FGFR1: variants seen among roughly 807,000 people sequenced by gnomAD.
FGFR1 encodes the protein fibroblast growth factor receptor 1, also known as FGFR1/PLAG1 fusion.
In FGFR1, 18 loss-of-function variants were observed where a neutral mutation model predicts 93.7. The observed-to-expected ratio is 0.19, with a 90% CI of 0.13 to 0.28. FGFR1 has a LOEUF of 0.28. FGFR1 is among the 10% of genes least tolerant of loss of function. The pLI is 1.00. For synonymous variants in FGFR1, 448 were observed against 429.3 expected (o/e 1.04, Z -0.54); for missense variants, 731 against 1,080.4 (o/e 0.68, Z 4.53).
chr8:38,437,647 A>G (rs528209070), intron 2 of FGFR1, among the ~76,000 whole-genome samples: 1 of 152,278 alleles, frequency 6.6e-6, no homozygotes, highest in African/African-American at 2.4e-5. Flanking sequence ...TCTGAGGGGC[A>G]GTGGGAGATG....
At chr8:38,465,885 AAC>A in intron 1 of FGFR1, 1 of 223,508 alleles carries the variant, frequency 4.5e-6, no homozygotes, top group African/African-American at 2.2e-5. Flanking sequence ...CTGCGGAGGA[AAC>A]AGTCACCTTA....
intron 2 of FGFR1, among the ~76,000 whole-genome samples, chr8:38,455,722 T>C (rs1832647974): frequency 6.6e-6 from 1 of 152,346 alleles, no homozygotes; most frequent in African/African-American, 2.4e-5. Flanking sequence ...ACATGCTGTC[T>C]CTGAACACTC....
chr8:38,467,589 C>T, intron 1 of FGFR1: 1 of 235,590 alleles, frequency 4.2e-6, no homozygotes, highest in Non-Finnish European at 8.4e-6. Context: ...CCCACCTCGC[C>T]GCCCACTCCC....
intron 2 of FGFR1, chr8:38,434,922 C>A (rs1415272280): frequency 6.6e-6 from 1 of 152,654 alleles, no homozygotes; most frequent in Non-Finnish European, 1.5e-5. Context: ...GGCTGGAGTG[C>A]AATGGCGTGA....
In FGFR1 at chr8:38,467,796, G is replaced by C. The variant is rs61214671; in HGVS notation, c.-89+185C>G. 602 of 233,042 alleles carry C rather than the reference G, an allele frequency of 2.6e-3. 5 individuals are homozygous for C. The highest frequency in any genetic ancestry group is 0.012 in the African/African-American group (566 of 45,394). The allele number at this position is 233,042 out of a possible 1,614,324, so 14.4% of individuals were successfully genotyped here. ...AGACGCGGACGGAGGGAAGGGAGGGGAGACCCAAGGGGCGCGGATCGCCCG... is the reference window on the plus strand; with the variant it reads ...AGACGCGGACGGAGGGAAGGGAGGGCAGACCCAAGGGGCGCGGATCGCCCG... On this transcript the variant is annotated intron_variant, in intron 1 of 17. Coordinates refer to ENST00000447712, the MANE Select transcript of FGFR1 (RefSeq NM_023110.3).
At chr8:38,433,375 A>G (rs1439481858) in intron 2 of FGFR1, among the ~76,000 whole-genome samples, 1 of 151,924 alleles carries the variant, frequency 6.6e-6, no homozygotes, top group East Asian at 1.9e-4. Flanking sequence ...CAGTGGCACA[A>G]TCTTGGCTTG....
intron 2 of FGFR1, among the ~76,000 whole-genome samples, chr8:38,446,709 C>T (rs908059042): frequency 1.3e-5 from 2 of 152,066 alleles, no homozygotes; most frequent in African/African-American, 4.8e-5. Context: ...GCGCCTGGCC[C>T]TTCTTCATTA....
At chr8:38,466,921 G>A (rs1402605411) in intron 1 of FGFR1, among the ~76,000 whole-genome samples, 2 of 145,014 alleles carry the variant, frequency 1.4e-5, no homozygotes, top group Non-Finnish European at 3.0e-5. Flanking sequence ...CACCAAAAAA[G>A]TGTCTGGCTG....
chr8:38,428,221 G>A (rs1821480598), intron 4 of FGFR1, 125 bp downstream of exon 4: 3 of 1,464,998 alleles, frequency 2.0e-6, no homozygotes, highest in Non-Finnish European at 2.9e-6. Flanking sequence ...GCAGTGCCTG[G>A]CACTTAGCAG....
Position 38,468,625 on chromosome 8 carries a change from G to C in FGFR1, c.-733C>G, listed in dbSNP as rs1466953437. The stretch of plus-strand genomic sequence containing the variant: ...GCGCCTGTGGCCGCAAGAGCGCTCC[G>C]AGCGCTATGCGCCGGCGGGGCGCGA... On this transcript the variant is annotated 5_prime_UTR_variant, in exon 1 of 18. Coordinates refer to ENST00000447712, the MANE Select transcript of FGFR1 (RefSeq NM_023110.3). The C allele has an allele frequency of 4.3e-6, 1 of 230,812 alleles. No homozygotes were observed. Among genetic ancestry groups the C allele is most frequent in the Non-Finnish European group, 8.6e-6 (1 of 116,430 alleles). The allele number at this position is 230,812 out of a possible 1,614,324, so 14.3% of individuals were successfully genotyped here.
At chr8:38,422,067 G>T in intron 7 of FGFR1, 126 bp from the exon 8 acceptor site, 1 of 1,176,082 alleles carries the variant, frequency 8.5e-7, no homozygotes, top group Non-Finnish European at 1.2e-6. Flanking sequence ...CATCTTCTTT[G>T]CAACAAGGAA....
In FGFR1 at chr8:38,456,956, A is replaced by G. The variant is rs1038804704; in HGVS notation, c.91+400T>C. Among the ~76,000 whole-genome samples the G allele has an allele frequency of 4.6e-5, 7 of 150,778 alleles. No individual in the cohort carries two copies. In the South Asian group the frequency reaches 6.3e-4, roughly 14 times the overall value. On this transcript the variant is annotated intron_variant, in intron 2 of 17. Transcript: ENST00000447712. ...TACAACATCCCCTGTAGTCTGACCC[A>G]AGTTCTACACGCAAATTCTAAGGTC...
In FGFR1 at chr8:38,429,473, T is replaced by C; in HGVS notation, c.358+209A>G. 1.4e-6 allele frequency: 1 copy of C among 705,332 alleles called. No individual in the cohort carries two copies. The highest frequency in any genetic ancestry group is 2.7e-5 in the East Asian group (1 of 37,080). 43.7% of individuals were successfully genotyped at this position (705,332 alleles called of 1,614,324 possible). A position where few individuals can be genotyped will look rare whatever the true frequency, so the allele number is the denominator to read the frequency against. Reference sequence around the variant, plus strand: ...CGAGGTGTGTCCTGGAAGCCCCAGATCTCCGGCCCTGGGGCCCACCCCACC... The same window carrying C: ...CGAGGTGTGTCCTGGAAGCCCCAGACCTCCGGCCCTGGGGCCCACCCCACC... On this transcript the variant is annotated intron_variant, in intron 3 of 17. Transcript: ENST00000447712. The surrounding 1 kb of genome is among the most constrained non-coding windows in gnomAD (Gnocchi z 4.4).
intron 1 of FGFR1, among the ~76,000 whole-genome samples, chr8:38,462,374 C>T (rs934988155): frequency 1.3e-5 from 2 of 151,760 alleles, no homozygotes; most frequent in African/African-American, 2.4e-5. Context: ...TGCAGTGGCG[C>T]GCGCCTGTAG....
intron 11 of FGFR1, 102 bp from the exon 12 acceptor site, chr8:38,417,518 C>CT: frequency 4.1e-6 from 4 of 981,082 alleles, no homozygotes; most frequent in Non-Finnish European, 6.4e-6. Context: ...TTCCCTGGGA[C>CT]TTGATTCTCT....
chr8:38,468,413 T>A lies in FGFR1; in HGVS notation c.-521A>T. ...TCGGACCGGAGAAAAGTCCTTGGGT[T>A]CCGCGGCTTTTCAAGCAGCGGCGCG... On this transcript the variant is annotated 5_prime_UTR_variant, in exon 1 of 18. Transcript: ENST00000447712. 1 of 228,484 alleles carries A rather than the reference T, an allele frequency of 4.4e-6. No homozygotes were observed. 14.2% of individuals were successfully genotyped at this position (228,484 alleles called of 1,614,324 possible). A position where few individuals can be genotyped will look rare whatever the true frequency, so the allele number is the denominator to read the frequency against.
intron 2 of FGFR1, among the ~76,000 whole-genome samples, chr8:38,446,263 T>A (rs944824216): frequency 6.7e-6 from 1 of 150,048 alleles, no homozygotes; most frequent in Non-Finnish European, 1.5e-5. Flanking sequence ...CAGGCTGCAG[T>A]GCAGTGGCAC....
In FGFR1 at chr8:38,444,556, A is replaced by ATTTTTTTTT. The variant is rs562700623; in HGVS notation, c.91+12791_91+12799dup. Reference sequence around the variant, plus strand: ...GGCACTTGCCACCACGCGTGGCTAAATTTTTTTTTTTTTTTTGTAGAGACA... The same window carrying ATTTTTTTTT: ...GGCACTTGCCACCACGCGTGGCTAAATTTTTTTTTTTTTTTTTTTTTTTTTGTAGAGACA... On this transcript the variant is annotated intron_variant, in intron 2 of 17. Transcript: ENST00000447712. Among the ~76,000 whole-genome samples, 150 of 129,190 alleles carry ATTTTTTTTT rather than the reference A, an allele frequency of 1.2e-3. 8 individuals are homozygous for ATTTTTTTTT. The highest frequency in any genetic ancestry group is 3.4e-3 in the African/African-American group (116 of 34,562). The allele number at this position is 129,190 out of a possible 152,430, so 84.8% of individuals were successfully genotyped here. A position where few individuals can be genotyped will look rare whatever the true frequency, so the allele number is the denominator to read the frequency against.
At chr8:38,434,664 G>A (rs1255964614) in intron 2 of FGFR1, 1 of 179,578 alleles carries the variant, frequency 5.6e-6, no homozygotes, top group African/African-American at 2.4e-5. Context: ...ATTTTACGCT[G>A]CGGATCATTA....
Sources: allele counts gnomAD v4.1 joint callset (sites outside exome capture counted in the v4.1 genomes callset), GRCh38; gene constraint gnomAD v4.1.1; non-coding constraint Gnocchi (gnomAD v3.1); transcripts MANE v1.5; gene names NCBI Gene and HGNC (gene_info 2026-07-23, HGNC 2026-07-21).